Variants in TRUB1 observed in about 807,000 individuals in gnomAD.
TRUB1 encodes the protein pseudouridylate synthase TRUB1.
Under a neutral mutation model 33.9 loss-of-function variants are expected in TRUB1, and 23 were observed. That is an observed-to-expected ratio of 0.68 (90% CI 0.49 to 0.96). The LOEUF (loss-of-function observed/expected upper bound fraction) is 0.96, where lower values mean the gene tolerates loss of function less well. Ranked by LOEUF, TRUB1 falls within the 40% of genes least tolerant of loss-of-function variation. The pLI is 0.00. For synonymous variants in TRUB1, 163 were observed against 165.4 expected (o/e 0.99, Z 0.11); for missense variants, 378 against 422.2 (o/e 0.90, Z 0.92).
chr10:114,974,066 G>A (rs933884449), intron 6 of TRUB1, among the ~76,000 whole-genome samples: 6 of 152,126 alleles, frequency 3.9e-5, no homozygotes, highest in African/African-American at 1.2e-4. Context: ...AATGAACAAG[G>A]CTGAAGTATT....
intron 4 of TRUB1, chr10:114,969,591 T>A (rs2084326004): frequency 6.6e-6 from 1 of 151,544 alleles, no homozygotes; most frequent in South Asian, 2.1e-4. Flanking sequence ...TAACAGATAG[T>A]AAAAGCTTTA....
chr10:114,972,371 G>A (rs1172569706), intron 6 of TRUB1, 97 bp downstream of exon 6: 6 of 1,354,698 alleles, frequency 4.4e-6, no homozygotes, highest in Non-Finnish European at 6.0e-6. Flanking sequence ...TAGGATGTTG[G>A]AGATTTTTTA....
intron 6 of TRUB1, 60 bp from the exon 7 acceptor site, chr10:114,974,269 C>T: frequency 7.8e-7 from 1 of 1,276,788 alleles, no homozygotes; most frequent in South Asian, 1.2e-5. Flanking sequence ...GACATCATTT[C>T]TATGTAAAGT....
At chr10:114,971,986 T>C in intron 5 of TRUB1, 149 bp from the exon 6 acceptor site, 1 of 871,948 alleles carries the variant, frequency 1.1e-6, no homozygotes, top group Non-Finnish European at 1.7e-6. Context: ...AAAAATTCAT[T>C]CATTTTTTAG....
chr10:114,952,382 A>T (rs1430289362), intron 3 of TRUB1, among the ~76,000 whole-genome samples: 15 of 152,234 alleles, frequency 9.9e-5, no homozygotes, highest in Admixed American at 9.8e-4. Flanking sequence ...CGGAGGTTGC[A>T]GTGAGCCAAG....
intron 5 of TRUB1, among the ~76,000 whole-genome samples, chr10:114,970,740 A>T (rs2084333100): frequency 6.6e-6 from 1 of 152,156 alleles, no homozygotes; most frequent in Non-Finnish European, 1.5e-5. Flanking sequence ...GAGCCCAGAG[A>T]TGTCTCTTTT....
Position 114,976,475 on chromosome 10 carries a change from T to G in TRUB1, c.*1096T>G, listed in dbSNP as rs1227485934. 4.6e-5 allele frequency: 7 copies of G among 152,182 alleles called. No individual in the cohort carries two copies. The highest frequency in any genetic ancestry group is 1.7e-4 in the African/African-American group (7 of 41,460). 9.4% of individuals were successfully genotyped at this position (152,182 alleles called of 1,614,324 possible). ...TAATGAGTGCTTCATATTTTTGTTA[T>G]GGGAAAGCAATATATTATGCAGCCA... On this transcript the variant is annotated 3_prime_UTR_variant, in exon 8 of 8. Transcript: ENST00000298746.
chr10:114,938,559 G>A lies in TRUB1; in HGVS notation c.286+20G>A. The A allele has an allele frequency of 6.6e-7, 1 of 1,514,626 alleles. No homozygotes were observed. The highest frequency in any genetic ancestry group is 8.8e-7 in the Non-Finnish European group (1 of 1,134,440). The allele number at this position is 1,514,626 out of a possible 1,614,324, so 93.8% of individuals were successfully genotyped here. The stretch of plus-strand genomic sequence containing the variant: ...TGGCAGGTACTGCAGCCCGGGTGGG[G>A]ACCAGGCTGAGGCGGTCGCTGCGAG... On this transcript the variant is annotated intron_variant, in intron 1 of 7. Transcript: ENST00000298746.
chr10:114,959,019 C>T (rs1467377981), intron 3 of TRUB1, among the ~76,000 whole-genome samples: 1 of 152,102 alleles, frequency 6.6e-6, no homozygotes, highest in East Asian at 1.9e-4. Context: ...GCCTGTAATC[C>T]CAGCTACTCC....
intron 1 of TRUB1, among the ~76,000 whole-genome samples, chr10:114,941,520 T>G (rs1292152136): frequency 2.6e-5 from 4 of 152,022 alleles, no homozygotes; most frequent in Admixed American, 2.6e-4. Flanking sequence ...GTATTTTATT[T>G]TGGGTAGAGA....
intron 2 of TRUB1, among the ~76,000 whole-genome samples, chr10:114,943,526 T>TCAAAACAAAACAAAA (rs111577594): frequency 6.6e-5 from 10 of 151,560 alleles, no homozygotes; most frequent in African/African-American, 2.4e-4. Context: ...GGAGACTGTC[T>TCAAAACAAAACAAAA]CAAAACAAAA....
rs1300976293 is a variant in TRUB1, at chr10:114,942,753, A to G, written c.385+10A>G. On this transcript the variant is annotated intron_variant, in intron 2 of 7. Coordinates refer to ENST00000298746, the MANE Select transcript of TRUB1 (RefSeq NM_139169.5). ...GCCCGAGGAGTTCTGGGTAAGAGATATGAAAGGCAGTTAAGTGTCCACTGT... is the reference window on the plus strand; with the variant it reads ...GCCCGAGGAGTTCTGGGTAAGAGATGTGAAAGGCAGTTAAGTGTCCACTGT... 9 of 1,579,394 alleles carry G rather than the reference A, an allele frequency of 5.7e-6. No homozygotes were observed. Among genetic ancestry groups the G allele is most frequent in the East Asian group, 2.2e-5 (1 of 44,730 alleles).
chr10:114,949,368 A>G (rs2084224234), intron 2 of TRUB1, among the ~76,000 whole-genome samples: 1 of 152,320 alleles, frequency 6.6e-6, no homozygotes, highest in African/African-American at 2.4e-5. Context: ...TTTGAAGAGT[A>G]TTATGCTCTT....
At chr10:114,944,704 G>T (rs1050992396) in intron 2 of TRUB1, among the ~76,000 whole-genome samples, 7 of 152,006 alleles carry the variant, frequency 4.6e-5, no homozygotes, top group African/African-American at 1.7e-4. Flanking sequence ...AAAAAATCAG[G>T]CTGGGCACAG....
At chr10:114,972,366 T>A in intron 6 of TRUB1, 92 bp downstream of exon 6, 1 of 1,371,260 alleles carries the variant, frequency 7.3e-7, no homozygotes, top group Non-Finnish European at 9.8e-7. Flanking sequence ...ATCCGTAGGA[T>A]GTTGGAGATT....
chr10:114,944,306 A>T (rs745944845), intron 2 of TRUB1, among the ~76,000 whole-genome samples: 1 of 152,242 alleles, frequency 6.6e-6, no homozygotes, highest in Non-Finnish European at 1.5e-5. Context: ...TATCCAAAGT[A>T]AATGAGCGCT....
chr10:114,961,495 C>G (rs2084285125), intron 4 of TRUB1, among the ~76,000 whole-genome samples: 1 of 152,114 alleles, frequency 6.6e-6, no homozygotes, highest in African/African-American at 2.4e-5. Context: ...TCTTCCTATT[C>G]TTAAGCATTT....
chr10:114,969,278 C>G lies in TRUB1; in HGVS notation c.524-1090C>G, dbSNP rs139235873. ...GAAACCCAGCCTCTACTAAAAAATACAAAAAGTAGGCATGTGTGGTTGTGC... is the reference window on the plus strand; with the variant it reads ...GAAACCCAGCCTCTACTAAAAAATAGAAAAAGTAGGCATGTGTGGTTGTGC... On this transcript the variant is annotated intron_variant, in intron 4 of 7. Transcript: ENST00000298746. Among the ~76,000 whole-genome samples, 978 of 151,170 alleles carry G rather than the reference C, an allele frequency of 6.5e-3. 9 individuals carry two copies. The highest frequency in any genetic ancestry group is 0.022 in the African/African-American group (909 of 41,268).
At chr10:114,957,682 A>G (rs189033555) in intron 3 of TRUB1, among the ~76,000 whole-genome samples, 39 of 152,312 alleles carry the variant, frequency 2.6e-4, no homozygotes, top group African/African-American at 8.4e-4. Context: ...TATGTGCCCC[A>G]GGTGCACAAA....
Sources: gnomAD v4.1 joint callset for allele counts (sites outside exome capture counted in the v4.1 genomes callset) on GRCh38, gnomAD v4.1.1 for gene constraint, MANE v1.5 for transcripts, NCBI Gene and HGNC (gene_info 2026-07-23, HGNC 2026-07-21) for gene names.